Variants in CWF19L1 observed in about 807,000 individuals in gnomAD.
The protein encoded by CWF19L1 is CWF19-like protein 1.
CWF19L1 carries 60 observed loss-of-function variants against 69.7 expected under a neutral mutation model. The observed-to-expected ratio is 0.86, with a 90% CI of 0.70 to 1.07. The LOEUF (loss-of-function observed/expected upper bound fraction) is 1.07, where lower values mean the gene tolerates loss of function less well. Ranked by LOEUF, CWF19L1 falls within the 50% of genes least tolerant of loss-of-function variation. CWF19L1 has a pLI of 0.00. For missense variants in CWF19L1, 591 were observed against 638.9 expected (o/e 0.92, Z 0.81); for synonymous variants, 209 against 222.2 (o/e 0.94, Z 0.53).
chr10:100,253,807 A>C (rs1482351795), intron 5 of CWF19L1: 1 of 347,004 alleles, frequency 2.9e-6, no homozygotes. Flanking sequence ...CCCAAAACAC[A>C]AATTATTAAA....
Position 100,250,332 on chromosome 10 carries a change from T to C in CWF19L1, c.624A>G (p.Arg208=), listed in dbSNP as rs754903957. 6 of 1,601,884 alleles carry C rather than the reference T, an allele frequency of 3.7e-6. No homozygotes were observed. In the Admixed American group the frequency reaches 1.0e-4, roughly 27 times the overall value. The change falls in exon 7 of 14, where the codon CGA becomes CGG. Residue 208 remains arginine, a splice_region_variant and synonymous_variant. Coordinates refer to ENST00000354105, the MANE Select transcript of CWF19L1 (RefSeq NM_018294.6). ...EKTYYERLPY[R]NHIILQENAQ... is the part of the protein sequence containing the mutation. ...CATTTTCCTGTAGAATGATATGGTT[T>C]CTACAACATATTTGAGAGACAAAAA...
chr10:100,267,571 A>T lies in CWF19L1; in HGVS notation c.23T>A (p.Leu8His). The T allele has an allele frequency of 3.1e-6, 5 of 1,614,214 alleles. No individual in the cohort carries two copies. The highest frequency in any genetic ancestry group is 4.2e-6 in the Non-Finnish European group (5 of 1,180,032). Residue 8 changes from leucine to histidine, a missense_variant and splice_region_variant, in exon 1 of 14, where the codon CTC becomes CAC. Coordinates refer to ENST00000354105, the MANE Select transcript of CWF19L1 (RefSeq NM_018294.6). MAQKPLR[L>H]LACGDVEGKF... Reference sequence around the variant, plus strand: ...GAGGCTTCCATTCACGGTCACTCACAGGCGCAGCGGTTTCTGTGCCATCTG... The same window carrying T: ...GAGGCTTCCATTCACGGTCACTCACTGGCGCAGCGGTTTCTGTGCCATCTG...
chr10:100,267,534 G>A (rs1589640555), intron 1 of CWF19L1, 37 bp downstream of exon 1: 1 of 1,614,166 alleles, frequency 6.2e-7, no homozygotes, highest in East Asian at 2.2e-5. Flanking sequence ...ACACGAAAGA[G>A]ACACAGGGAG....
intron 10 of CWF19L1, among the ~76,000 whole-genome samples, chr10:100,241,392 G>T (rs545447359): frequency 7.1e-4 from 108 of 152,260 alleles, no homozygotes; most frequent in African/African-American, 2.6e-3. Context: ...TCCTTAAAGT[G>T]TAAGATGAAA....
chr10:100,234,071 C>T (rs1846355658), intron 13 of CWF19L1: 1 of 152,122 alleles, frequency 6.6e-6, no homozygotes, highest in South Asian at 2.1e-4. Context: ...GCCTTCTAAT[C>T]GCCATTGCTT....
Position 100,236,861 on chromosome 10 carries a change from C to A in CWF19L1, c.1363G>T (p.Asp455Tyr). ...ATCCCCTGTTTCACCTGCTTGATGT[C>A]AGAGTGCTCTGGGATTTCCAACAGC... ...IELLEIPEHS[D>Y]IKQIAQPGAA... The change falls in exon 12 of 14, where the codon GAC becomes TAC. Residue 455 changes from aspartate to tyrosine, a missense_variant. Asp to Tyr is a radical substitution (Grantham distance 160). Around this residue, in one of 3 missense-constraint regions of CWF19L1, gnomAD observed 458 missense variants for 489.3 expected, o/e 0.94. Coordinates refer to ENST00000354105, the MANE Select transcript of CWF19L1 (RefSeq NM_018294.6). 6.3e-7 allele frequency: 1 copy of A among 1,598,136 alleles called. No homozygotes were observed. The highest frequency in any genetic ancestry group is 1.1e-5 in the South Asian group (1 of 88,496).
chr10:100,252,638 G>A (rs1847078064), intron 6 of CWF19L1, among the ~76,000 whole-genome samples: 1 of 152,034 alleles, frequency 6.6e-6, no homozygotes, highest in African/African-American at 2.4e-5. Flanking sequence ...TTCAAGACCA[G>A]CCTGACTGAC....
rs571537727 is a variant in CWF19L1, at chr10:100,262,250, C to T, written c.24-187G>A. 1.2e-5 allele frequency: 12 copies of T among 985,374 alleles called. No homozygotes were observed. In the East Asian group the frequency reaches 7.9e-4, roughly 65 times the overall value. The allele number at this position is 985,374 out of a possible 1,614,324, so 61.0% of individuals were successfully genotyped here. On this transcript the variant is annotated intron_variant, in intron 1 of 13. Transcript: ENST00000354105. ...GGTCTCACCAACACCTCCCACTCGC[C>T]GTATCTAAAATTTAGCTTATCATTT...
At position 100,235,683 on chromosome 10, in the gene CWF19L1, G is replaced by T. The variant is rs146015632; in HGVS notation, c.1456C>A (p.Pro486Thr). 10 of 1,610,976 alleles carry T rather than the reference G, an allele frequency of 6.2e-6. No individual in the cohort carries two copies. Among genetic ancestry groups the T allele is most frequent in the Non-Finnish European group, 7.6e-6 (9 of 1,178,938 alleles). The change falls in exon 13 of 14, where the codon CCT becomes ACT. Residue 486 changes from proline (P) to threonine (T), a missense_variant. Pro to Thr is a conservative substitution (Grantham distance 38). This residue lies in a region of CWF19L1 where 458 missense variants were observed against 489.3 expected (regional missense o/e 0.94). Transcript: ENST00000354105. ...AAAACATACCTTCCAAACTGCAAAG[G>T]AAAATTCTTTTTAATTCTGTGGAAA... ...KLFHRIKKNF[P>T]LQFGREVLAS...
At chr10:100,234,930 G>GC (rs1390781749) in intron 13 of CWF19L1, among the ~76,000 whole-genome samples, 1 of 152,144 alleles carries the variant, frequency 6.6e-6, no homozygotes, top group East Asian at 1.9e-4. Flanking sequence ...GGTCCAACAG[G>GC]CCTGGGTTTG....
rs1846461841 is a variant in CWF19L1 at position 100,236,986 on chromosome 10, C to T, written c.1255-17G>A. ...AGGAATGACCTGGGGGTTGGGGAGA[C>T]AGGAGAAATTCCTTGTGCAGGTCCC... On this transcript the variant is annotated splice_polypyrimidine_tract_variant and intron_variant, in intron 11 of 13. Coordinates refer to ENST00000354105, the MANE Select transcript of CWF19L1 (RefSeq NM_018294.6). 3 of 1,558,350 alleles carry T rather than the reference C, an allele frequency of 1.9e-6. No homozygotes were observed. The highest frequency in any genetic ancestry group is 2.6e-6 in the Non-Finnish European group (3 of 1,153,122).
In CWF19L1 at chr10:100,259,258, G is replaced by A. The variant is rs532512995; in HGVS notation, c.289+960C>T. Among the ~76,000 whole-genome samples, 5 of 152,026 alleles carry A rather than the reference G, an allele frequency of 3.3e-5. No homozygotes were observed. In the South Asian group the frequency reaches 1.0e-3, roughly 32 times the overall value. ...AAGAGGCAGCAGACTGCCAGCAGGTGGGGGGAAAACAAAAGCAAAATTTGA... is the reference window on the plus strand; with the variant it reads ...AAGAGGCAGCAGACTGCCAGCAGGTAGGGGGAAAACAAAAGCAAAATTTGA... On this transcript the variant is annotated intron_variant, in intron 4 of 13. Coordinates refer to ENST00000354105, the MANE Select transcript of CWF19L1 (RefSeq NM_018294.6).
chr10:100,233,476 C>T, intron 13 of CWF19L1, 105 bp from the exon 14 acceptor site: 6 of 1,114,092 alleles, frequency 5.4e-6, no homozygotes, highest in South Asian at 1.6e-5. Context: ...GCTCTCCTGC[C>T]CTGAGTGCCA....
chr10:100,250,143 T>C (rs1322315295), intron 7 of CWF19L1, 105 bp downstream of exon 7: 9 of 811,900 alleles, frequency 1.1e-5, no homozygotes, highest in South Asian at 4.1e-5. Context: ...TGCTGAGACC[T>C]TGCAGTCAGG....
intron 5 of CWF19L1, chr10:100,254,643 A>G (rs1481330039): frequency 6.6e-6 from 1 of 152,090 alleles, no homozygotes; most frequent in Non-Finnish European, 1.5e-5. Flanking sequence ...CATCTTAGGG[A>G]CTGGTGAACT....
intron 6 of CWF19L1, among the ~76,000 whole-genome samples, chr10:100,251,678 AT>A (rs1169284253): frequency 6.6e-6 from 1 of 151,600 alleles, no homozygotes; most frequent in Non-Finnish European, 1.5e-5. Context: ...TGCCCAGCTA[AT>A]TTTTTGTATT....
chr10:100,239,534 G>C (rs190920776), intron 10 of CWF19L1, among the ~76,000 whole-genome samples: 15 of 152,308 alleles, frequency 9.8e-5, no homozygotes, highest in Admixed American at 4.6e-4. Flanking sequence ...AGCTACTTGG[G>C]AGACTGAAGC....
chr10:100,235,584 CT>C, intron 13 of CWF19L1, 82 bp downstream of exon 13: 2 of 946,606 alleles, frequency 2.1e-6, no homozygotes. Context: ...TACAATTTAG[CT>C]TTTTATCAAT....
At chr10:100,261,088 C>T (rs764816371) in intron 2 of CWF19L1, 44 bp from the exon 3 acceptor site, 12 of 1,261,490 alleles carry the variant, frequency 9.5e-6, no homozygotes, top group Non-Finnish European at 1.3e-5. Context: ...TTTAAAATAT[C>T]AAACAGTACA....
Sources: gnomAD v4.1 joint callset for allele counts (sites outside exome capture counted in the v4.1 genomes callset) on GRCh38, gnomAD v4.1.1 for gene constraint, gnomAD v4.1.1 regional missense constraint, MANE v1.5 for transcripts, NCBI Gene and HGNC (gene_info 2026-07-23, HGNC 2026-07-21) for gene names.